The following DMD variants were observed in gnomAD, a reference collection of about 807,000 sequenced individuals.
DMD encodes dystrophin.
A neutral mutation model predicts 330.1 loss-of-function variants in DMD; 63 were observed. The ratio of observed to expected loss-of-function variants is 0.19; its 90% CI spans 0.16 to 0.24. DMD has a LOEUF of 0.24. Ranked by LOEUF, DMD falls within the 10% of genes least tolerant of loss-of-function variation. The pLI is 1.00. For missense variants in DMD, 3,344 were observed against 2,684.1 expected, an observed-to-expected ratio of 1.25 and a Z score of -5.43; for synonymous variants, 1,223 against 959.8, an observed-to-expected ratio of 1.27 and a Z score of -5.07.
intron 11 of DMD, among the ~76,000 whole-genome samples, chrX:32,638,929 G>A (rs1291708537): frequency 9.0e-6 from 1 of 111,282 alleles, no homozygotes; most frequent in Admixed American, 9.6e-5. Flanking sequence ...TTTGTTAGAT[G>A]TATTTTTCTG....
intron 59 of DMD, among the ~76,000 whole-genome samples, chrX:31,450,221 G>T (rs1042969223): frequency 1.8e-5 from 2 of 111,695 alleles, no homozygotes; most frequent in African/African-American, 6.5e-5. Flanking sequence ...TATAAATACT[G>T]GTGTTTAGTA....
intron 62 of DMD, among the ~76,000 whole-genome samples, chrX:31,275,166 TGTGTGTG>T (rs759602267): frequency 8.3e-4 from 78 of 93,876 alleles, no homozygotes; most frequent in Non-Finnish European, 1.5e-3. Context: ...TGTGTGTGTG[TGTGTGTG>T]TGTGTGTGTG....
intron 55 of DMD, among the ~76,000 whole-genome samples, chrX:31,625,720 G>C (rs1171517167): frequency 9.0e-6 from 1 of 111,329 alleles, no homozygotes; most frequent in East Asian, 2.8e-4. Context: ...AGTTTCTTGA[G>C]ATTAGAAATA....
chrX:32,415,537 G>T (rs900180659), intron 29 of DMD, among the ~76,000 whole-genome samples: 12 of 112,295 alleles, frequency 1.1e-4, no homozygotes, highest in African/African-American at 3.9e-4. Context: ...CTGACTTTCT[G>T]CCCGCTTGAC....
chrX:32,779,128 C>A (rs761487936), intron 7 of DMD, among the ~76,000 whole-genome samples: 1 of 111,337 alleles, frequency 9.0e-6, no homozygotes, highest in East Asian at 2.8e-4. Context: ...ATTATTTAAG[C>A]TAATTGTTCA....
intron 1 of DMD, among the ~76,000 whole-genome samples, chrX:33,223,036 G>A (rs760682979): frequency 9.8e-5 from 11 of 112,062 alleles, no homozygotes; most frequent in Non-Finnish European, 1.5e-4. Flanking sequence ...AGGGCTGGGC[G>A]TGGTGGCTCA....
chrX:31,321,048 T>G (rs1264902621), intron 62 of DMD, among the ~76,000 whole-genome samples: 3 of 111,608 alleles, frequency 2.7e-5, no homozygotes, highest in African/African-American at 9.8e-5. Context: ...TGGAGTGGGT[T>G]GATAGGGCAT....
Position 32,303,678 on chromosome X carries a change from A to G in DMD, c.6117+6404T>C, listed in dbSNP as rs572273702. On this transcript the variant is annotated intron_variant, in intron 42 of 78. Coordinates refer to ENST00000357033, the MANE Select transcript of DMD (RefSeq NM_004006.3). ...AAAAGGATTAGAAAAACCCATTAGT[A>G]ACTGTTGTGACAGCGGCCGTTGGGG... Among the ~76,000 whole-genome samples, 41 of 110,869 alleles carry G rather than the reference A, an allele frequency of 3.7e-4. 1 individual carries two copies. In the South Asian group the frequency reaches 0.011, roughly 30 times the overall value.
At chrX:33,263,434 A>T (rs1281824594) in intron 1 of DMD, among the ~76,000 whole-genome samples, 2 of 97,609 alleles carry the variant, frequency 2.0e-5, no homozygotes, top group African/African-American at 9.9e-5. Flanking sequence ...AGAGCTTTTT[A>T]AAAAATATAT....
chrX:31,914,467 T>C (rs887695135), intron 47 of DMD, among the ~76,000 whole-genome samples: 21 of 111,655 alleles, frequency 1.9e-4, no homozygotes, highest in African/African-American at 6.8e-4. Context: ...ATAGCCAAGG[T>C]TTGGAAAAAA....
chrX:32,272,502 T>A (rs758221544), intron 43 of DMD, among the ~76,000 whole-genome samples: 3 of 112,393 alleles, frequency 2.7e-5, no homozygotes, highest in Non-Finnish European at 3.8e-5. Context: ...TTGTTTCTAC[T>A]GATGTCTATA....
chrX:32,402,734 G>T lies in DMD; in HGVS notation c.4233+9018C>A, dbSNP rs906668119. Among the ~76,000 whole-genome samples, 5 of 111,373 alleles carry T rather than the reference G, an allele frequency of 4.5e-5. No homozygotes were observed. The East Asian group carries it at 1.4e-3, about 31-fold the overall frequency. On this transcript the variant is annotated intron_variant, in intron 30 of 78. Coordinates refer to ENST00000357033, the MANE Select transcript of DMD (RefSeq NM_004006.3). ...CATTTTATACTATTCAAAGTATTTT[G>T]GAAAGGTTTTCAGAGCTTCAAAGTT...
chrX:32,392,843 T>C (rs1054537742), intron 30 of DMD, among the ~76,000 whole-genome samples: 3 of 112,541 alleles, frequency 2.7e-5, no homozygotes, highest in Non-Finnish European at 5.6e-5. Flanking sequence ...CTAAGTAACA[T>C]CGAAAGGCCA....
intron 45 of DMD, among the ~76,000 whole-genome samples, chrX:31,944,637 CTGTT>C (rs943033906): frequency 1.2e-4 from 12 of 103,339 alleles, no homozygotes; most frequent in African/African-American, 3.5e-4. Flanking sequence ...GCCACCACTC[CTGTT>C]TGTTTGTTTT....
intron 55 of DMD, among the ~76,000 whole-genome samples, chrX:31,565,462 T>C (rs1034751270): frequency 1.6e-4 from 18 of 112,533 alleles, no homozygotes; most frequent in African/African-American, 5.8e-4. Flanking sequence ...AGTTGTTGCA[T>C]GTATAAATAT....
At chrX:32,749,722 T>C (rs947517097) in intron 7 of DMD, among the ~76,000 whole-genome samples, 1 of 112,391 alleles carries the variant, frequency 8.9e-6, no homozygotes, top group African/African-American at 3.2e-5. Flanking sequence ...CTATAATCTC[T>C]TTAAGACTCT....
At position 32,621,223 on chromosome X, in the gene DMD, G is replaced by A. The variant is rs189110883; in HGVS notation, c.1332-6770C>T. Among the ~76,000 whole-genome samples the A allele has an allele frequency of 1.2e-4, 13 of 111,361 alleles. No individual in the cohort carries two copies. The East Asian group carries it at 2.0e-3, about 17-fold the overall frequency. On this transcript the variant is annotated intron_variant, in intron 11 of 78. Transcript: ENST00000357033. ...AAGAAGGTATAAACTCTTTCTAGAC[G>A]GAAAGAAAGACCTGTGAAAGGCCCT...
chrX:31,450,488 G>A lies in DMD; in HGVS notation c.8938-5861C>T, dbSNP rs140467413. ...TTGAAACAATTAAAAAGAAACACAA[G>A]TTGAGCTGTAAGCAAGCCCTTCATG... is the stretch of plus-strand genomic sequence containing the variant. On this transcript the variant is annotated intron_variant, in intron 59 of 78. Transcript: ENST00000357033. Among the ~76,000 whole-genome samples, 271 of 112,362 alleles carry A rather than the reference G, an allele frequency of 2.4e-3. 1 individual carries two copies. Among genetic ancestry groups the A allele is most frequent in the African/African-American group, 8.3e-3 (256 of 30,984 alleles).
Position 32,849,715 on chromosome X carries a change from A to G in DMD, c.186+13T>C, listed in dbSNP as rs934506672. The stretch of plus-strand genomic sequence containing the variant: ...AAGTTTAAAGTTAACTTTCTTAAAA[A>G]TAAGTCACATACCAGTTTTTGCCCT... On this transcript the variant is annotated intron_variant, in intron 3 of 78. Transcript: ENST00000357033. 1.7e-6 allele frequency: 2 copies of G among 1,153,386 alleles called. No individual in the cohort carries two copies. The highest frequency in any genetic ancestry group is 2.4e-6 in the Non-Finnish European group (2 of 844,403).
Sources: gnomAD v4.1 joint callset for allele counts (sites outside exome capture counted in the v4.1 genomes callset) on GRCh38, gnomAD v4.1.1 for gene constraint, MANE v1.5 for transcripts, NCBI Gene and HGNC (gene_info 2026-07-23, HGNC 2026-07-21) for gene names.